The following PCDHGA1 variants were observed in gnomAD, a reference collection of about 807,000 sequenced individuals.
PCDHGA1 encodes the protein protocadherin gamma-A1.
A neutral mutation model predicts 58.0 loss-of-function variants in PCDHGA1; 32 were observed. The observed-to-expected ratio is 0.55, with a 90% CI of 0.42 to 0.74. PCDHGA1 has a LOEUF of 0.74. PCDHGA1 is among the 30% of genes least tolerant of loss of function. PCDHGA1 has a pLI of 0.00. For synonymous variants in PCDHGA1, 498 were observed against 501.1 expected, an observed-to-expected ratio of 0.99 and a Z score of 0.08; for missense variants, 1,205 against 1,182.3, an observed-to-expected ratio of 1.02 and a Z score of -0.28.
intron 1 of PCDHGA1, chr5:141,400,262 G>A: frequency 6.2e-7 from 1 of 1,614,032 alleles, no homozygotes; most frequent in Non-Finnish European, 8.5e-7. Flanking sequence ...TTGCGCCTGC[G>A]ACGCTCCTCC....
intron 1 of PCDHGA1, chr5:141,383,000 C>T (rs1330577304): frequency 6.2e-7 from 1 of 1,613,646 alleles, no homozygotes; most frequent in Non-Finnish European, 8.5e-7. Context: ...ATTCTCTACT[C>T]CGTGTCGGAG....
At chr5:141,417,456 G>A (rs1354162154) in intron 1 of PCDHGA1, 1 of 177,626 alleles carries the variant, frequency 5.6e-6, no homozygotes, top group Non-Finnish European at 1.2e-5. Context: ...TTATGACCAA[G>A]TGGAAATATA....
intron 1 of PCDHGA1, chr5:141,394,008 G>A: frequency 1.2e-6 from 2 of 1,613,330 alleles, no homozygotes; most frequent in South Asian, 2.2e-5. Context: ...AAAGTCAATA[G>A]GTAATTATTA....
chr5:141,350,166 A>AT, intron 1 of PCDHGA1: 1 of 1,181,016 alleles, frequency 8.5e-7, no homozygotes, highest in African/African-American at 1.5e-5. Flanking sequence ...CGCCTAACTA[A>AT]TAAGTCCTAA....
chr5:141,437,800 C>G (rs963856257), intron 1 of PCDHGA1, among the ~76,000 whole-genome samples: 1 of 150,744 alleles, frequency 6.6e-6, no homozygotes, highest in African/African-American at 2.4e-5. Flanking sequence ...TGCAGTGGCA[C>G]TATCTTGGCT....
At chr5:141,365,319 G>C (rs745669256) in intron 1 of PCDHGA1, 34 of 1,613,864 alleles carry the variant, frequency 2.1e-5, no homozygotes, top group Non-Finnish European at 2.9e-5. Flanking sequence ...CTTGTTGCCA[G>C]CGCTAAGGTG....
chr5:141,350,389 A>G, intron 1 of PCDHGA1: 3 of 1,596,640 alleles, frequency 1.9e-6, no homozygotes, highest in Non-Finnish European at 2.6e-6. Context: ...CCAACGGCTC[A>G]CGGGTGGGGA....
chr5:141,498,306 A>C (rs2099783027), intron 2 of PCDHGA1, among the ~76,000 whole-genome samples: 1 of 151,810 alleles, frequency 6.6e-6, no homozygotes, highest in African/African-American at 2.4e-5. Flanking sequence ...TCTGGGTCAC[A>C]CTGCCTACAC....
Position 141,350,862 on chromosome 5 carries a change from A to T in PCDHGA1, c.2421+17757A>T, listed in dbSNP as rs767803001. 3.1e-6 allele frequency: 5 copies of T among 1,613,982 alleles called. No homozygotes were observed. In the South Asian group the frequency reaches 5.5e-5, roughly 18 times the overall value. On this transcript the variant is annotated intron_variant, in intron 1 of 3. Coordinates refer to ENST00000517417, the MANE Select transcript of PCDHGA1 (RefSeq NM_018912.3). Reference sequence around the variant, plus strand: ...CTGGAAAAACCTCTAGACAGGGAACATCAGAGCTCTCATCGCTTAATCCTG... The same window carrying T: ...CTGGAAAAACCTCTAGACAGGGAACTTCAGAGCTCTCATCGCTTAATCCTG...
At position 141,350,575 on chromosome 5, in the gene PCDHGA1, G is replaced by C. The variant is rs777214956; in HGVS notation, c.2421+17470G>C. On this transcript the variant is annotated intron_variant, in intron 1 of 3. Transcript: ENST00000517417. Reference sequence around the variant, plus strand: ...TTGAGTGTGCACTAGAATTCGAAACGGTCGCTGAAAACCCAATGAATGTTT... The same window carrying C: ...TTGAGTGTGCACTAGAATTCGAAACCGTCGCTGAAAACCCAATGAATGTTT... The C allele has an allele frequency of 1.1e-5, 18 of 1,613,906 alleles. No individual in the cohort carries two copies. In the East Asian group the frequency reaches 3.6e-4, roughly 32 times the overall value.
chr5:141,511,055 A>ATG lies in PCDHGA1; in HGVS notation c.2680_2681dup (p.Tyr895SerfsTer10). 1 of 1,614,218 alleles carries ATG rather than the reference A, an allele frequency of 6.2e-7. No individual in the cohort carries two copies. The highest frequency in any genetic ancestry group is 8.5e-7 in the Non-Finnish European group (1 of 1,180,026). On this transcript the variant is annotated frameshift_variant, in exon 4 of 4. Coordinates refer to ENST00000517417, the MANE Select transcript of PCDHGA1 (RefSeq NM_018912.3). LOFTEE classifies it high-confidence loss of function. Reference sequence around the variant, plus strand: ...CAGCACGTGCCCGACTACCGCCAGAATGTCTACATCCCAGGCAGCAATGCC... The same window carrying ATG: ...CAGCACGTGCCCGACTACCGCCAGAATGTGTCTACATCCCAGGCAGCAATGCC...
At chr5:141,465,032 A>C (rs2154568703) in intron 1 of PCDHGA1, among the ~76,000 whole-genome samples, 1 of 151,870 alleles carries the variant, frequency 6.6e-6, no homozygotes, top group Admixed American at 6.6e-5. Context: ...ATGAACCACC[A>C]CAAATGACCC....
chr5:141,389,045 T>C, intron 1 of PCDHGA1: 3 of 1,613,920 alleles, frequency 1.9e-6, no homozygotes, highest in Non-Finnish European at 2.5e-6. Flanking sequence ...TGGAAGGTGA[T>C]GTTCCATTTA....
chr5:141,500,051 C>A (rs991931153), intron 2 of PCDHGA1, among the ~76,000 whole-genome samples: 1 of 151,988 alleles, frequency 6.6e-6, no homozygotes, highest in Non-Finnish European at 1.5e-5. Context: ...TATCTTAATG[C>A]TCTTTTAATG....
chr5:141,484,695 G>A (rs1371166304), intron 1 of PCDHGA1, among the ~76,000 whole-genome samples: 3 of 151,920 alleles, frequency 2.0e-5, no homozygotes, highest in Non-Finnish European at 4.4e-5. Context: ...TCAGGCTGTG[G>A]CTGTTTTCCC....
intron 1 of PCDHGA1, chr5:141,421,239 G>A (rs773410079): frequency 6.3e-7 from 1 of 1,599,000 alleles, no homozygotes; most frequent in South Asian, 1.1e-5. Context: ...TGGCGAATCG[G>A]CTACAGCGCG....
intron 1 of PCDHGA1, chr5:141,342,418 A>T (rs1184933385): frequency 9.2e-5 from 14 of 152,190 alleles, no homozygotes; most frequent in Non-Finnish European, 1.9e-4. Flanking sequence ...AAGCACACTA[A>T]TGTTCTATGT....
chr5:141,505,418 A>T lies in PCDHGA1; in HGVS notation c.2506A>T (p.Thr836Ser). 1 of 1,614,186 alleles carries T rather than the reference A, an allele frequency of 6.2e-7. No homozygotes were observed. Among genetic ancestry groups the T allele is most frequent in the East Asian group, 2.2e-5 (1 of 44,876 alleles). The change falls in exon 3 of 4, where the codon ACC becomes TCC. Residue 836 changes from threonine to serine, a missense_variant. By Grantham distance (58) the Thr-to-Ser change is moderately conservative. Coordinates refer to ENST00000517417, the MANE Select transcript of PCDHGA1 (RefSeq NM_018912.3). ...SGSQNGDDTG[T>S]WPNNQFDTEM... ...CTCCCAAAATGGCGATGACACCGGC[A>T]CCTGGCCCAACAACCAGTTTGACAC...
intron 2 of PCDHGA1, among the ~76,000 whole-genome samples, chr5:141,504,288 G>GT (rs1175142876): frequency 6.6e-6 from 1 of 152,124 alleles, no homozygotes; most frequent in African/African-American, 2.4e-5. Context: ...ATCATTTCAT[G>GT]TTTTTTCAAC....
Sources: gnomAD v4.1 joint callset for allele counts (sites outside exome capture counted in the v4.1 genomes callset) on GRCh38, gnomAD v4.1.1 for gene constraint, MANE v1.5 for transcripts, NCBI Gene and HGNC (gene_info 2026-07-23, HGNC 2026-07-21) for gene names.